Variants in CFAP99 observed in about 807,000 individuals in gnomAD.
The protein encoded by CFAP99 is cilia and flagella associated protein 99.
Under a neutral mutation model 82.7 loss-of-function variants are expected in CFAP99, and 84 were observed. The observed-to-expected ratio is 1.02, with a 90% CI of 0.85 to 1.22. CFAP99 has a LOEUF of 1.22. Ranked by LOEUF, CFAP99 falls within the 50% of genes most tolerant of loss-of-function variation. The pLI is 0.00. For missense variants in CFAP99, 1,059 were observed against 983.5 expected, an observed-to-expected ratio of 1.08 and a Z score of -1.03; for synonymous variants, 456 against 429.5, an observed-to-expected ratio of 1.06 and a Z score of -0.76.
chr4:2,433,380 T>G (rs1442222017), intron 2 of CFAP99, among the ~76,000 whole-genome samples: 1 of 150,460 alleles, frequency 6.6e-6, no homozygotes, highest in East Asian at 1.9e-4. Flanking sequence ...GAAGGGTCTG[T>G]CCTGGCTCCT....
intron 2 of CFAP99, among the ~76,000 whole-genome samples, chr4:2,435,805 TCC>T (rs1733894959): frequency 6.6e-6 from 1 of 150,576 alleles, no homozygotes; most frequent in Non-Finnish European, 1.5e-5. Context: ...GCATCTGTAG[TCC>T]CAGCTACTCA....
intron 2 of CFAP99, chr4:2,429,094 C>T (rs12499973): frequency 0.31 from 47,204 of 152,276 alleles, 8,255 homozygotes; most frequent in East Asian, 0.52. Flanking sequence ...TCTGCTCCAG[C>T]TGCACTGGTC....
intron 6 of CFAP99, among the ~76,000 whole-genome samples, chr4:2,447,920 AATGGATGGGTGG>A (rs760063505): frequency 5.6e-5 from 5 of 89,826 alleles, no homozygotes; most frequent in African/African-American, 1.8e-4. Context: ...TGGGTGAATG[AATGGATGGGTGG>A]ATGGATGGAT....
rs565367428 is a variant in CFAP99 at position 2,454,142 on chromosome 4, C to T, written c.1161+1796C>T. The stretch of plus-strand genomic sequence containing the variant: ...CCTCCTGAATAGCTGGTATTATAGG[C>T]GCATGCCACAATGCCCAGCTATTTC... On this transcript the variant is annotated intron_variant, in intron 11 of 14. Coordinates refer to ENST00000635017, the Ensembl canonical transcript of CFAP99. Among the ~76,000 whole-genome samples the T allele has an allele frequency of 5.9e-5, 9 of 152,232 alleles. No individual in the cohort carries two copies. The East Asian group carries it at 1.7e-3, about 29-fold the overall frequency.
At chr4:2,436,606 A>G (rs1371503286) in intron 2 of CFAP99, among the ~76,000 whole-genome samples, 5 of 151,948 alleles carry the variant, frequency 3.3e-5, no homozygotes, top group African/African-American at 9.7e-5. Context: ...GGAACCGCAC[A>G]GTACTTGTCC....
chr4:2,425,378 C>G (rs1262986343), intron 1 of CFAP99, among the ~76,000 whole-genome samples: 1 of 152,154 alleles, frequency 6.6e-6, no homozygotes, highest in Admixed American at 6.5e-5. Context: ...CGGCCAGGAT[C>G]GGTGTCTCAC....
chr4:2,450,945 A>G lies in CFAP99; in HGVS notation c.796-2A>G. The G allele has an allele frequency of 6.5e-7, 1 of 1,535,938 alleles. No individual in the cohort carries two copies. Among genetic ancestry groups the G allele is most frequent in the East Asian group, 2.4e-5 (1 of 40,908 alleles). On this transcript the variant is annotated splice_acceptor_variant, in intron 8 of 14. Transcript: ENST00000635017. LOFTEE classifies it high-confidence loss of function. ...CGGCCAGCTCTGCCCTGACTCCTGC[A>G]GGGCTCCAAGCAGCAGCTGCGGCTT...
At chr4:2,454,191 T>C (rs1158616512) in intron 11 of CFAP99, among the ~76,000 whole-genome samples, 1 of 152,172 alleles carries the variant, frequency 6.6e-6, no homozygotes, top group East Asian at 1.9e-4. Context: ...GTAGTAGAGA[T>C]GAGGTTTCAC....
At chr4:2,442,485 C>A (rs1179685667) in intron 4 of CFAP99, among the ~76,000 whole-genome samples, 3 of 152,066 alleles carry the variant, frequency 2.0e-5, no homozygotes, top group Non-Finnish European at 4.4e-5. Context: ...ACAGCAGTGA[C>A]TGCAGGCCCT....
At chr4:2,451,650 C>G (rs1252102790) in intron 10 of CFAP99, among the ~76,000 whole-genome samples, 1 of 152,180 alleles carries the variant, frequency 6.6e-6, no homozygotes, top group Non-Finnish European at 1.5e-5. Context: ...CTTCCTGATG[C>G]CCCCATCTCC....
intron 10 of CFAP99, among the ~76,000 whole-genome samples, chr4:2,451,620 G>T (rs1283605918): frequency 1.3e-5 from 2 of 152,132 alleles, no homozygotes; most frequent in South Asian, 2.1e-4. Flanking sequence ...CTCCCTTGGG[G>T]TTACCTCCTC....
At chr4:2,439,876 C>T (rs1194654695) in intron 4 of CFAP99, among the ~76,000 whole-genome samples, 1 of 151,910 alleles carries the variant, frequency 6.6e-6, no homozygotes, top group Non-Finnish European at 1.5e-5. Flanking sequence ...CGGGGTCTCG[C>T]TCTGTCGCCC....
rs1343273649 is a variant in CFAP99, at chr4:2,448,684, C to G, written c.643-986C>G. The stretch of plus-strand genomic sequence containing the variant: ...TGCAGGCAAAGGCCCTGGGGCAGTG[C>G]CCACCCTCCCTCAAGTGTTTGAGGG... On this transcript the variant is annotated intron_variant, in intron 6 of 14. Coordinates refer to ENST00000635017, the Ensembl canonical transcript of CFAP99. The surrounding 1 kb of genome is among the most constrained non-coding windows in gnomAD (Gnocchi z 5.2). Among the ~76,000 whole-genome samples, 1 of 152,230 alleles carries G rather than the reference C, an allele frequency of 6.6e-6. No homozygotes were observed. The highest frequency in any genetic ancestry group is 1.5e-5 in the Non-Finnish European group (1 of 68,032).
intron 1 of CFAP99, 92 bp downstream of exon 1, chr4:2,419,185 C>T (rs1354002979): frequency 1.3e-5 from 2 of 152,166 alleles, no homozygotes; most frequent in Non-Finnish European, 2.9e-5. Context: ...TCTTGCTTCT[C>T]CCAAACACCT....
At chr4:2,433,979 C>A (rs1436322251) in intron 2 of CFAP99, among the ~76,000 whole-genome samples, 1 of 152,210 alleles carries the variant, frequency 6.6e-6, no homozygotes, top group East Asian at 1.9e-4. Context: ...CTCGCCCTGA[C>A]TGCTGGGTCA....
At position 2,457,413 on chromosome 4, in the gene CFAP99, GC is replaced by G. The variant is rs544439481; in HGVS notation, c.1162-1309del. 2.3e-3 allele frequency among the ~76,000 whole-genome samples: 343 copies of G among 152,356 alleles called. 1 individual carries two copies. Among genetic ancestry groups the G allele is most frequent in the African/African-American group, 7.1e-3 (294 of 41,584 alleles). On this transcript the variant is annotated intron_variant, in intron 11 of 14. Transcript: ENST00000635017. ...AAAGTTCGGACTTGGTGCGAGCTCA[GC>G]GAGCAGCCAGTGCGAGCCATGCTCT... is the stretch of plus-strand genomic sequence containing the variant.
At chr4:2,434,823 C>G (rs1023535167) in intron 2 of CFAP99, among the ~76,000 whole-genome samples, 1 of 152,250 alleles carries the variant, frequency 6.6e-6, no homozygotes, top group Admixed American at 6.5e-5. Flanking sequence ...GCCTGTAGTT[C>G]TCAGGCCTCC....
intron 1 of CFAP99, among the ~76,000 whole-genome samples, chr4:2,422,080 A>G (rs1314545376): frequency 1.3e-5 from 2 of 152,190 alleles, no homozygotes; most frequent in African/African-American, 2.4e-5. Context: ...TTGAGAATGC[A>G]TGAATGTAGC....
Position 2,433,427 on chromosome 4 carries a change from C to T in CFAP99, c.112-3447C>T, listed in dbSNP as rs371620388. The stretch of plus-strand genomic sequence containing the variant: ...ACAAGATGTTGTCAGTTACACGGGG[C>T]GGGGGGGGGACCAGTGCCCTCGGTG... On this transcript the variant is annotated intron_variant, in intron 2 of 14. Transcript: ENST00000635017. Among the ~76,000 whole-genome samples, 112 of 135,942 alleles carry T rather than the reference C, an allele frequency of 8.2e-4. 3 individuals are homozygous for T. The East Asian group carries it at 0.018, about 21-fold the overall frequency. The allele number at this position is 135,942 out of a possible 152,430, so 89.2% of individuals were successfully genotyped here.
Sources: gnomAD v4.1 joint callset for allele counts (sites outside exome capture counted in the v4.1 genomes callset) on GRCh38, gnomAD v4.1.1 for gene constraint, Gnocchi (gnomAD v3.1) non-coding constraint, MANE v1.5 for transcripts, NCBI Gene and HGNC (gene_info 2026-07-23, HGNC 2026-07-21) for gene names.